The following FSTL5 variants were observed in gnomAD, a reference collection of about 807,000 sequenced individuals.
FSTL5 encodes the protein follistatin-related protein 5.
FSTL5 carries 62 observed loss-of-function variants against 89.1 expected under a neutral mutation model. The ratio of observed to expected loss-of-function variants is 0.70; its 90% confidence interval spans 0.57 to 0.86. The LOEUF is 0.86. FSTL5 is among the 40% of genes least tolerant of loss of function. FSTL5 has a pLI of 0.00. For synonymous variants in FSTL5, 383 were observed against 346.2 expected, an observed-to-expected ratio of 1.11 and a Z score of -1.18; for missense variants, 1,057 against 1,001.6, an observed-to-expected ratio of 1.06 and a Z score of -0.75.
chr4:161,526,805 T>C (rs1047670986), intron 10 of FSTL5, among the ~76,000 whole-genome samples: 1 of 152,204 alleles, frequency 6.6e-6, no homozygotes, highest in African/African-American at 2.4e-5. Flanking sequence ...CATTGATCTA[T>C]ATCTCTGTTT....
chr4:161,784,850 C>T (rs1039434992), intron 4 of FSTL5, among the ~76,000 whole-genome samples: 3 of 130,436 alleles, frequency 2.3e-5, no homozygotes, highest in Non-Finnish European at 3.1e-5. Context: ...GCCAAGATCG[C>T]GCCACTGCAC....
At chr4:161,782,717 C>A (rs1020328328) in intron 4 of FSTL5, among the ~76,000 whole-genome samples, 65 of 152,238 alleles carry the variant, frequency 4.3e-4, no homozygotes, top group African/African-American at 1.5e-3. Flanking sequence ...ATTCATTCCC[C>A]AAACACTTTG....
chr4:161,519,246 G>C (rs1369301364), intron 10 of FSTL5, among the ~76,000 whole-genome samples: 2 of 152,180 alleles, frequency 1.3e-5, no homozygotes, highest in Admixed American at 6.5e-5. Context: ...CACAGTCTTA[G>C]AGTGGCATGG....
At chr4:161,862,472 C>T (rs899110834) in intron 4 of FSTL5, among the ~76,000 whole-genome samples, 6 of 152,260 alleles carry the variant, frequency 3.9e-5, no homozygotes, top group Admixed American at 2.0e-4. Flanking sequence ...CGGTATCTCA[C>T]ACCTGTAATC....
At chr4:161,422,757 A>G (rs1026771074) in intron 15 of FSTL5, among the ~76,000 whole-genome samples, 33 of 149,082 alleles carry the variant, frequency 2.2e-4, no homozygotes, top group African/African-American at 8.3e-4. Context: ...TATTTTTCTG[A>G]GATAAATCAT....
intron 3 of FSTL5, among the ~76,000 whole-genome samples, chr4:162,018,866 T>C (rs1270285217): frequency 6.6e-6 from 1 of 152,144 alleles, no homozygotes; most frequent in Non-Finnish European, 1.5e-5. Context: ...TCTCCATCAA[T>C]TACATGCTGA....
At chr4:162,046,552 C>T (rs920916372) in intron 2 of FSTL5, among the ~76,000 whole-genome samples, 1 of 151,938 alleles carries the variant, frequency 6.6e-6, no homozygotes, top group African/African-American at 2.4e-5. Context: ...AAAGTTTTCT[C>T]CTGGTTCCAG....
chr4:161,963,628 C>T (rs1735242308), intron 3 of FSTL5, among the ~76,000 whole-genome samples: 1 of 151,902 alleles, frequency 6.6e-6, no homozygotes, highest in Admixed American at 6.6e-5. Context: ...TAACTCTGAT[C>T]TTTTCTGAGT....
chr4:161,636,460 C>CTT (rs67780564), intron 7 of FSTL5, among the ~76,000 whole-genome samples: 3 of 121,076 alleles, frequency 2.5e-5, no homozygotes, highest in Non-Finnish European at 5.2e-5. Flanking sequence ...TTTTTTTTTT[C>CTT]TTTTTTTTTT....
At chr4:161,991,448 T>G (rs1384031518) in intron 3 of FSTL5, among the ~76,000 whole-genome samples, 1 of 152,154 alleles carries the variant, frequency 6.6e-6, no homozygotes, top group African/African-American at 2.4e-5. Context: ...TTTTAAGATA[T>G]AAATACAAGT....
chr4:162,138,783 AAAGAG>A (rs1439375617), intron 1 of FSTL5, among the ~76,000 whole-genome samples: 2 of 152,230 alleles, frequency 1.3e-5, no homozygotes, highest in East Asian at 3.9e-4. Flanking sequence ...ACAAAAGAAG[AAAGAG>A]AAATCTGACA....
At chr4:161,684,955 A>T (rs1737663149) in intron 6 of FSTL5, among the ~76,000 whole-genome samples, 1 of 152,178 alleles carries the variant, frequency 6.6e-6, no homozygotes, top group Admixed American at 6.5e-5. Flanking sequence ...ATCCAGTTTC[A>T]TTCTCCTACA....
At chr4:161,411,426 C>T (rs1264587731) in intron 15 of FSTL5, among the ~76,000 whole-genome samples, 32 of 150,782 alleles carry the variant, frequency 2.1e-4, no homozygotes, top group Admixed American at 2.1e-3. Flanking sequence ...AACATAGATG[C>T]AAAAATCCTC....
At position 161,923,152 on chromosome 4, in the gene FSTL5, G is replaced by T. The variant is rs1734037817; in HGVS notation, c.161-2500C>A. Among the ~76,000 whole-genome samples, 6 of 151,874 alleles carry T rather than the reference G, an allele frequency of 4.0e-5. No individual in the cohort carries two copies. In the South Asian group the frequency reaches 1.2e-3, roughly 31 times the overall value. On this transcript the variant is annotated intron_variant, in intron 3 of 15. Transcript: ENST00000306100. The stretch of plus-strand genomic sequence containing the variant: ...TAGATGCCTCGTGGTAGCCAAGCAG[G>T]TCATTTATTTACTTTGCTTCTATGT...
intron 3 of FSTL5, among the ~76,000 whole-genome samples, chr4:161,979,971 A>G (rs564213019): frequency 6.6e-6 from 1 of 152,182 alleles, no homozygotes; most frequent in East Asian, 1.9e-4. Context: ...AACATTATGT[A>G]TCTTCTATCT....
chr4:162,121,522 T>C (rs76845418), intron 1 of FSTL5, among the ~76,000 whole-genome samples: 9,731 of 152,138 alleles, frequency 0.064, 938 homozygotes, highest in African/African-American at 0.2. Flanking sequence ...CTGGGGATTA[T>C]GTATGTTGGT....
intron 2 of FSTL5, among the ~76,000 whole-genome samples, chr4:162,073,566 T>A (rs1729714668): frequency 6.6e-6 from 1 of 151,804 alleles, no homozygotes; most frequent in Non-Finnish European, 1.5e-5. Flanking sequence ...TCTAAGCAGC[T>A]ATATTTTGAA....
intron 3 of FSTL5, among the ~76,000 whole-genome samples, chr4:161,958,098 T>A (rs143042559): frequency 6.6e-6 from 1 of 152,206 alleles, no homozygotes; most frequent in East Asian, 1.9e-4. Flanking sequence ...TTTTTTCTTC[T>A]ACAGTGTCTG....
chr4:161,836,523 G>A (rs1426776145), intron 4 of FSTL5, among the ~76,000 whole-genome samples: 4 of 151,926 alleles, frequency 2.6e-5, no homozygotes, highest in Admixed American at 6.6e-5. Context: ...AGCACACAGT[G>A]CAGCATCCCT....
Sources: allele counts gnomAD v4.1 joint callset (sites outside exome capture counted in the v4.1 genomes callset), GRCh38; gene constraint gnomAD v4.1.1; transcripts MANE v1.5; gene names NCBI Gene and HGNC (gene_info 2026-07-23, HGNC 2026-07-21).